The following ATF7IP variants were observed in gnomAD, a reference collection of about 807,000 sequenced individuals.
The protein encoded by ATF7IP is activating transcription factor 7 interacting protein.
A neutral mutation model predicts 106.4 loss-of-function variants in ATF7IP; 23 were observed. That is an observed-to-expected ratio of 0.22 (90% CI 0.16 to 0.31). The LOEUF (loss-of-function observed/expected upper bound fraction) is 0.31. Ranked by LOEUF, ATF7IP falls within the 10% of genes least tolerant of loss-of-function variation. The probability of loss-of-function intolerance (pLI) is 1.00; values close to 1 mark genes in which losing one functional copy is unlikely to be tolerated. For synonymous variants in ATF7IP, 542 were observed against 539.0 expected (o/e 1.01, Z -0.08); for missense variants, 1,334 against 1,524.3 (o/e 0.88, Z 2.08).
At chr12:14,378,823 A>C (rs890835200) in intron 1 of ATF7IP, among the ~76,000 whole-genome samples, 3 of 152,244 alleles carry the variant, frequency 2.0e-5, no homozygotes, top group African/African-American at 7.2e-5. Flanking sequence ...CCATGTAAAT[A>C]GCAATAGTTA....
chr12:14,433,805 G>C (rs2136607311), intron 2 of ATF7IP, among the ~76,000 whole-genome samples: 1 of 152,208 alleles, frequency 6.6e-6, no homozygotes, highest in Non-Finnish European at 1.5e-5. Context: ...CTCAGTTGTT[G>C]GCACTGTTAT....
At chr12:14,395,687 C>T (rs1005823121) in intron 1 of ATF7IP, among the ~76,000 whole-genome samples, 6 of 152,092 alleles carry the variant, frequency 3.9e-5, no homozygotes, top group Admixed American at 2.0e-4. Flanking sequence ...TTTGAATTCA[C>T]CTTTACAAAT....
At chr12:14,467,434 A>G (rs1943875478) in intron 10 of ATF7IP, among the ~76,000 whole-genome samples, 1 of 152,202 alleles carries the variant, frequency 6.6e-6, no homozygotes, top group African/African-American at 2.4e-5. Context: ...AAAATATCTT[A>G]ACTTCTTAGA....
intron 1 of ATF7IP, among the ~76,000 whole-genome samples, chr12:14,412,140 C>T (rs542033710): frequency 6.6e-6 from 1 of 152,120 alleles, no homozygotes; most frequent in Non-Finnish European, 1.5e-5. Flanking sequence ...TAAGGATATA[C>T]CTGTCATTTT....
At chr12:14,417,664 T>TCA (rs1941272666) in intron 1 of ATF7IP, among the ~76,000 whole-genome samples, 2 of 152,208 alleles carry the variant, frequency 1.3e-5, no homozygotes, top group Non-Finnish European at 2.9e-5. Context: ...GAAATGTTCA[T>TCA]GGATATTTAT....
intron 1 of ATF7IP, among the ~76,000 whole-genome samples, chr12:14,370,930 G>C (rs1185539003): frequency 6.7e-6 from 1 of 149,632 alleles, no homozygotes; most frequent in Non-Finnish European, 1.5e-5. Context: ...GGAGGAATTT[G>C]AAAAGGTACC....
intron 1 of ATF7IP, among the ~76,000 whole-genome samples, chr12:14,422,683 T>G (rs1462994973): frequency 6.6e-6 from 1 of 152,210 alleles, no homozygotes; most frequent in African/African-American, 2.4e-5. Flanking sequence ...CTTCTCTCAC[T>G]CAGCATATTT....
At chr12:14,403,781 C>T (rs186833171) in intron 1 of ATF7IP, among the ~76,000 whole-genome samples, 81 of 152,212 alleles carry the variant, frequency 5.3e-4, no homozygotes, top group African/African-American at 1.7e-3. Flanking sequence ...TCTCCACCTC[C>T]TCCTTTTTAT....
chr12:14,374,778 T>A (rs1938667028), intron 1 of ATF7IP, among the ~76,000 whole-genome samples: 2 of 152,194 alleles, frequency 1.3e-5, no homozygotes, highest in Non-Finnish European at 2.9e-5. Context: ...AAAGTCATAG[T>A]TGCCATGGCA....
At chr12:14,374,795 T>C (rs1291981205) in intron 1 of ATF7IP, among the ~76,000 whole-genome samples, 10 of 152,200 alleles carry the variant, frequency 6.6e-5, no homozygotes, top group Non-Finnish European at 1.3e-4. Context: ...GGCACCCACA[T>C]AGTATGCCTA....
chr12:14,434,250 T>C (rs1565508414), intron 2 of ATF7IP, 87 bp from the exon 3 acceptor site: 7 of 848,442 alleles, frequency 8.3e-6, no homozygotes, highest in Non-Finnish European at 1.3e-5. Flanking sequence ...GTTGGTTTTG[T>C]AACTGGATAG....
At chr12:14,388,010 C>G (rs1226726220) in intron 1 of ATF7IP, among the ~76,000 whole-genome samples, 1 of 134,380 alleles carries the variant, frequency 7.4e-6, no homozygotes, top group Non-Finnish European at 1.5e-5. Context: ...TCCTTTCATT[C>G]TTTCTTTTTT....
chr12:14,393,044 T>C (rs1021324621), intron 1 of ATF7IP, among the ~76,000 whole-genome samples: 2 of 152,160 alleles, frequency 1.3e-5, no homozygotes, highest in Non-Finnish European at 2.9e-5. Flanking sequence ...GTTGTGGAGA[T>C]TTTCAGCTTC....
At chr12:14,378,108 T>G (rs192479091) in intron 1 of ATF7IP, among the ~76,000 whole-genome samples, 1 of 151,272 alleles carries the variant, frequency 6.6e-6, no homozygotes, top group Non-Finnish European at 1.5e-5. Context: ...TTCTTTTTTT[T>G]TTTTTTTGAA....
At chr12:14,479,326 A>G (rs1944358480) in intron 12 of ATF7IP, among the ~76,000 whole-genome samples, 1 of 152,188 alleles carries the variant, frequency 6.6e-6, no homozygotes, top group Admixed American at 6.5e-5. Context: ...CAGGAATCAT[A>G]TGCTTGCTAC....
chr12:14,420,796 C>T (rs1372025957), intron 1 of ATF7IP, among the ~76,000 whole-genome samples: 2 of 152,166 alleles, frequency 1.3e-5, no homozygotes, highest in African/African-American at 4.8e-5. Flanking sequence ...GATCCATTAA[C>T]AACATTGAGC....
rs1275016513 is a variant in ATF7IP at position 14,405,340 on chromosome 12, A to G, written c.-7-18569A>G. Among the ~76,000 whole-genome samples the G allele has an allele frequency of 1.3e-5, 2 of 150,610 alleles. 1 individual carries two copies. The highest frequency in any genetic ancestry group is 3.9e-4 in the East Asian group (2 of 5,106). ...CTGCTATAGAAGATAAATAGTTGGT[A>G]CAAAGAGGAATTTGAATTTCCTCCA... On this transcript the variant is annotated intron_variant, in intron 1 of 14. Coordinates refer to ENST00000261168, the MANE Select transcript of ATF7IP (RefSeq NM_018179.5).
rs372856780 is a variant in ATF7IP, at chr12:14,385,911, A to G, written c.-8+20084A>G. 2.7e-4 allele frequency among the ~76,000 whole-genome samples: 41 copies of G among 151,912 alleles called. No individual in the cohort carries two copies. In the East Asian group the frequency reaches 7.1e-3, roughly 26 times the overall value. On this transcript the variant is annotated intron_variant, in intron 1 of 14. Coordinates refer to ENST00000261168, the MANE Select transcript of ATF7IP (RefSeq NM_018179.5). ...ACTGTCCAAAATCTTTTTTTTTGGC[A>G]TTATGGGTTGCAGTTCTTTCTCATC...
intron 6 of ATF7IP, among the ~76,000 whole-genome samples, chr12:14,455,536 AT>A (rs1943391643): frequency 6.6e-6 from 1 of 152,204 alleles, no homozygotes; most frequent in African/African-American, 2.4e-5. Context: ...TTAATATGTT[AT>A]TCTTACACTT....
Sources: allele counts gnomAD v4.1 joint callset (sites outside exome capture counted in the v4.1 genomes callset), GRCh38; gene constraint gnomAD v4.1.1; transcripts MANE v1.5; gene names NCBI Gene and HGNC (gene_info 2026-07-23, HGNC 2026-07-21).